Variants in NELL1 observed in about 807,000 individuals in gnomAD.
The protein encoded by NELL1 is protein kinase C-binding protein NELL1.
A neutral mutation model predicts 107.4 loss-of-function variants in NELL1; 76 were observed. That is an observed-to-expected ratio of 0.71 (90% CI 0.59 to 0.86). The LOEUF (loss-of-function observed/expected upper bound fraction) is 0.86, where lower values mean the gene tolerates loss of function less well. Among genes scored for constraint, NELL1 ranks in the 40% least tolerant of loss-of-function variants. NELL1 has a pLI of 0.00. For synonymous variants in NELL1, 353 were observed against 341.2 expected (o/e 1.03, Z -0.38); for missense variants, 1,024 against 1,005.5 (o/e 1.02, Z -0.25).
intron 13 of NELL1, among the ~76,000 whole-genome samples, chr11:21,216,792 G>A (rs893721769): frequency 6.6e-6 from 1 of 152,172 alleles, no homozygotes; most frequent in East Asian, 1.9e-4. Flanking sequence ...ATAGGCAGAA[G>A]GGACTTGCCT....
chr11:20,687,241 G>T, intron 2 of NELL1, among the ~76,000 whole-genome samples: 1 of 151,654 alleles, frequency 6.6e-6, no homozygotes, highest in East Asian at 1.9e-4. Context: ...TATTACATGT[G>T]GTATTGAATA....
intron 12 of NELL1, among the ~76,000 whole-genome samples, chr11:20,993,744 A>G (rs899503026): frequency 6.6e-6 from 1 of 152,230 alleles, no homozygotes; most frequent in Non-Finnish European, 1.5e-5. Flanking sequence ...TTCAGGAATA[A>G]TGACAAGAAA....
chr11:21,564,947 A>G (rs551178629), intron 17 of NELL1, among the ~76,000 whole-genome samples: 1 of 151,942 alleles, frequency 6.6e-6, no homozygotes, highest in South Asian at 2.1e-4. Flanking sequence ...TCTGGCAAGG[A>G]GGAAAGAATC....
At chr11:20,821,644 C>T (rs1376536283) in intron 3 of NELL1, among the ~76,000 whole-genome samples, 3 of 152,200 alleles carry the variant, frequency 2.0e-5, no homozygotes, top group African/African-American at 7.2e-5. Flanking sequence ...CCACTTGGGG[C>T]TTTTTCTCAC....
chr11:21,520,076 C>G (rs936289539), intron 15 of NELL1, among the ~76,000 whole-genome samples: 1 of 152,124 alleles, frequency 6.6e-6, no homozygotes, highest in African/African-American at 2.4e-5. Flanking sequence ...GACAGAGGAG[C>G]ATTCCAAAGG....
At chr11:21,052,807 G>A (rs1258558535) in intron 12 of NELL1, among the ~76,000 whole-genome samples, 1 of 152,044 alleles carries the variant, frequency 6.6e-6, no homozygotes, top group East Asian at 1.9e-4. Context: ...GTACAAGCTT[G>A]GCCTGTCTGA....
At chr11:21,066,538 T>G (rs1853875191) in intron 12 of NELL1, among the ~76,000 whole-genome samples, 1 of 152,218 alleles carries the variant, frequency 6.6e-6, no homozygotes, top group Non-Finnish European at 1.5e-5. Context: ...TTTCTCTCTG[T>G]GTTCATCAGC....
At chr11:20,776,966 G>T (rs2133975338) in intron 2 of NELL1, among the ~76,000 whole-genome samples, 1 of 152,286 alleles carries the variant, frequency 6.6e-6, no homozygotes, top group East Asian at 1.9e-4. Flanking sequence ...ACCTCATAAG[G>T]GTTGTACAAA....
chr11:20,848,524 T>C (rs1054114711), intron 4 of NELL1, among the ~76,000 whole-genome samples: 10 of 152,202 alleles, frequency 6.6e-5, no homozygotes, highest in African/African-American at 2.4e-4. Flanking sequence ...AAGATCCTTA[T>C]GGATAGTGAC....
At chr11:21,314,855 G>A (rs1849839701) in intron 14 of NELL1, among the ~76,000 whole-genome samples, 1 of 151,838 alleles carries the variant, frequency 6.6e-6, no homozygotes, top group Non-Finnish European at 1.5e-5. Flanking sequence ...AGTGGATACA[G>A]CAAGAGGGCT....
intron 4 of NELL1, among the ~76,000 whole-genome samples, chr11:20,860,255 T>C (rs533129535): frequency 4.6e-5 from 7 of 152,358 alleles, no homozygotes; most frequent in African/African-American, 1.7e-4. Flanking sequence ...TAATTTTTGA[T>C]CATTTGATTG....
chr11:21,046,333 A>G (rs1229686954), intron 12 of NELL1, among the ~76,000 whole-genome samples: 2 of 152,176 alleles, frequency 1.3e-5, no homozygotes, highest in African/African-American at 2.4e-5. Flanking sequence ...ATATGTTCTT[A>G]CTACCATTAT....
At chr11:21,391,914 C>A (rs1230902376) in intron 15 of NELL1, among the ~76,000 whole-genome samples, 2 of 151,760 alleles carry the variant, frequency 1.3e-5, no homozygotes, top group African/African-American at 4.8e-5. Context: ...ATGCTGATGT[C>A]AATGATTTTA....
chr11:21,020,797 T>G (rs2134301626), intron 12 of NELL1, among the ~76,000 whole-genome samples: 1 of 152,044 alleles, frequency 6.6e-6, no homozygotes, highest in East Asian at 1.9e-4. Flanking sequence ...AACAGGTGCC[T>G]TTCATTCCCT....
chr11:21,154,813 G>C (rs1048477637), intron 13 of NELL1, among the ~76,000 whole-genome samples: 2 of 152,042 alleles, frequency 1.3e-5, no homozygotes, highest in African/African-American at 4.8e-5. Flanking sequence ...ATTAATTTGG[G>C]AAAAATATGT....
Position 21,403,944 on chromosome 11 carries a change from T to C in NELL1, c.1645+32996T>C, listed in dbSNP as rs188007925. Among the ~76,000 whole-genome samples, 394 of 149,982 alleles carry C rather than the reference T, an allele frequency of 2.6e-3. 5 individuals carry two copies. Among genetic ancestry groups the C allele is most frequent in the African/African-American group, 9.4e-3 (387 of 40,960 alleles). Reference sequence around the variant, plus strand: ...AGCAGCTAGAGCGTTCCGTGACTTATGGACTGTATCCTCCTCTAACCCTTG... The same window carrying C: ...AGCAGCTAGAGCGTTCCGTGACTTACGGACTGTATCCTCCTCTAACCCTTG... On this transcript the variant is annotated intron_variant, in intron 15 of 19. Transcript: ENST00000357134.
chr11:21,031,668 GT>G (rs1177185040), intron 12 of NELL1, among the ~76,000 whole-genome samples: 4 of 151,748 alleles, frequency 2.6e-5, no homozygotes, highest in African/African-American at 9.7e-5. Flanking sequence ...ATTTCTTAGT[GT>G]AGCAGATTTT....
intron 14 of NELL1, among the ~76,000 whole-genome samples, chr11:21,267,724 A>G (rs1848662747): frequency 6.6e-6 from 1 of 152,092 alleles, no homozygotes; most frequent in Non-Finnish European, 1.5e-5. Context: ...ACTCTTGTCC[A>G]TATGTTGATG....
chr11:21,143,196 G>A (rs951927232), intron 13 of NELL1, among the ~76,000 whole-genome samples: 2 of 152,170 alleles, frequency 1.3e-5, no homozygotes, highest in African/African-American at 4.8e-5. Context: ...CTACTTTGCT[G>A]TAACTCACTG....
Sources: gnomAD v4.1 joint callset for allele counts (sites outside exome capture counted in the v4.1 genomes callset) on GRCh38, gnomAD v4.1.1 for gene constraint, MANE v1.5 for transcripts, NCBI Gene and HGNC (gene_info 2026-07-23, HGNC 2026-07-21) for gene names.